Variants in SDCCAG8 observed in about 807,000 individuals in gnomAD.
SDCCAG8 encodes the protein serologically defined colon cancer antigen 8.
A neutral mutation model predicts 101.8 loss-of-function variants in SDCCAG8; 74 were observed. That is an observed-to-expected ratio of 0.73 (90% CI 0.60 to 0.88). The LOEUF (loss-of-function observed/expected upper bound fraction) is 0.88. SDCCAG8 is among the 40% of genes least tolerant of loss of function. The pLI is 0.00. For missense variants in SDCCAG8, 787 were observed against 822.6 expected (o/e 0.96, Z 0.53); for synonymous variants, 281 against 292.9 (o/e 0.96, Z 0.41).
intron 10 of SDCCAG8, among the ~76,000 whole-genome samples, chr1:243,331,492 T>TGGA (rs1376779911): frequency 6.6e-6 from 1 of 152,226 alleles, no homozygotes; most frequent in Admixed American, 6.5e-5. Context: ...CAAAGCAATG[T>TGGA]GGAGGCCTAA....
At chr1:243,496,137 A>T (rs1338670358) in intron 17 of SDCCAG8, among the ~76,000 whole-genome samples, 1 of 152,256 alleles carries the variant, frequency 6.6e-6, no homozygotes, top group Non-Finnish European at 1.5e-5. Context: ...TGAGATAAAT[A>T]ACCATTTTGT....
chr1:243,469,365 G>C (rs1021249251), intron 16 of SDCCAG8, among the ~76,000 whole-genome samples: 2 of 152,070 alleles, frequency 1.3e-5, no homozygotes, highest in Admixed American at 1.3e-4. Flanking sequence ...GTACCACTAA[G>C]CCCTTGGCTA....
intron 1 of SDCCAG8, among the ~76,000 whole-genome samples, chr1:243,269,832 T>C (rs111964494): frequency 0.024 from 3,659 of 152,218 alleles, 149 homozygotes; most frequent in African/African-American, 0.081. Flanking sequence ...AGTTCTGTCA[T>C]TTAATCCTTG....
intron 13 of SDCCAG8, among the ~76,000 whole-genome samples, chr1:243,412,198 T>C (rs2080230594): frequency 6.6e-6 from 1 of 152,186 alleles, no homozygotes; most frequent in Non-Finnish European, 1.5e-5. Context: ...ATGCATTGAT[T>C]TACATTCTTC....
At chr1:243,272,263 G>A (rs56198597) in intron 3 of SDCCAG8, among the ~76,000 whole-genome samples, 8,023 of 152,248 alleles carry the variant, frequency 0.053, 714 homozygotes, top group African/African-American at 0.18. Flanking sequence ...TACAATGCCT[G>A]TATGCTGAAA....
chr1:243,415,422 A>G (rs2080504198), intron 13 of SDCCAG8, among the ~76,000 whole-genome samples: 1 of 152,180 alleles, frequency 6.6e-6, no homozygotes, highest in Non-Finnish European at 1.5e-5. Flanking sequence ...ATTAGAGAAA[A>G]AAGTTTTGTG....
intron 12 of SDCCAG8, among the ~76,000 whole-genome samples, chr1:243,345,102 A>G (rs2075623715): frequency 6.6e-6 from 1 of 152,190 alleles, no homozygotes; most frequent in African/African-American, 2.4e-5. Context: ...CAATATTTTA[A>G]AATAATTGTT....
At chr1:243,393,623 C>T (rs1264768298) in intron 13 of SDCCAG8, among the ~76,000 whole-genome samples, 2 of 152,130 alleles carry the variant, frequency 1.3e-5, no homozygotes, top group Non-Finnish European at 2.9e-5. Flanking sequence ...TCAGTTCCAG[C>T]TACCATGGAA....
At chr1:243,499,170 T>G (rs1668850608) in intron 17 of SDCCAG8, among the ~76,000 whole-genome samples, 1 of 152,244 alleles carries the variant, frequency 6.6e-6, no homozygotes, top group Non-Finnish European at 1.5e-5. Context: ...GAAGCTACTT[T>G]GGAACATTTG....
At position 243,447,243 on chromosome 1, in the gene SDCCAG8, C is replaced by T. The variant is rs368103542; in HGVS notation, c.1985+20685C>T. ...CAGCCTGGGTGACAGAACAAGACTT[C>T]GTCTCAAAAAAAAAAAAAAAAAAAA... On this transcript the variant is annotated intron_variant, in intron 16 of 17. Transcript: ENST00000366541. 4.4e-4 allele frequency among the ~76,000 whole-genome samples: 36 copies of T among 81,340 alleles called. 1 individual carries two copies. Among genetic ancestry groups the T allele is most frequent in the Middle Eastern group, 0.013 (1 of 78 alleles). The allele number at this position is 81,340 out of a possible 152,430, so 53.4% of individuals were successfully genotyped here. A position where few individuals can be genotyped will look rare whatever the true frequency, so the allele number is the denominator to read the frequency against.
chr1:243,293,469 C>T (rs571080787), intron 6 of SDCCAG8: 1 of 615,664 alleles, frequency 1.6e-6, no homozygotes, highest in South Asian at 1.5e-5. Flanking sequence ...CCCTGCCAAC[C>T]CCTGATGACC....
At chr1:243,406,172 T>C (rs2079771737) in intron 13 of SDCCAG8, among the ~76,000 whole-genome samples, 2 of 152,302 alleles carry the variant, frequency 1.3e-5, no homozygotes, top group South Asian at 4.1e-4. Context: ...ATGGAAAATA[T>C]GAATTTTTGA....
chr1:243,461,753 T>A (rs1659152265), intron 16 of SDCCAG8, among the ~76,000 whole-genome samples: 1 of 152,188 alleles, frequency 6.6e-6, no homozygotes, highest in Non-Finnish European at 1.5e-5. Context: ...GGTACATTTT[T>A]AAAACTCAAT....
intron 1 of SDCCAG8, among the ~76,000 whole-genome samples, chr1:243,265,615 C>A (rs1256390774): frequency 6.6e-6 from 1 of 152,142 alleles, no homozygotes; most frequent in Non-Finnish European, 1.5e-5. Flanking sequence ...GAGTTTGAGA[C>A]CAGCCTGGCC....
At position 243,344,252 on chromosome 1, in the gene SDCCAG8, A is replaced by G. The variant is rs1479963664; in HGVS notation, c.1394A>G (p.Asn465Ser). The G allele has an allele frequency of 6.2e-7, 1 of 1,613,920 alleles. No homozygotes were observed. Among genetic ancestry groups the G allele is most frequent in the African/African-American group, 1.3e-5 (1 of 74,926 alleles). Residue 465 changes from asparagine to serine, a missense_variant, in exon 12 of 18, where the codon AAC (asparagine) becomes AGC (serine). Asn to Ser is a conservative substitution (Grantham distance 46). Transcript: ENST00000366541. ...GEMRYQLNKT[N>S]MEKDEAEKEH... is the part of the protein sequence containing the mutation. ...ATGCGCTATCAGCTGAATAAAACCA[A>G]CATGGAGAAGGATGAGGCAGAAAAG...
At chr1:243,480,972 G>A (rs1406575400) in intron 16 of SDCCAG8, among the ~76,000 whole-genome samples, 1 of 151,824 alleles carries the variant, frequency 6.6e-6, no homozygotes, top group Non-Finnish European at 1.5e-5. Context: ...TGAGCTGTGG[G>A]GATGGTGACT....
intron 1 of SDCCAG8, among the ~76,000 whole-genome samples, chr1:243,265,535 G>C (rs115450040): frequency 6.6e-6 from 1 of 152,186 alleles, no homozygotes; most frequent in Admixed American, 6.5e-5. Context: ...GCCCTAGGCC[G>C]GGCATGGTGG....
At chr1:243,308,223 T>A in intron 8 of SDCCAG8, 46 bp downstream of exon 8, 1 of 1,600,116 alleles carries the variant, frequency 6.2e-7, no homozygotes, top group Non-Finnish European at 8.6e-7. Flanking sequence ...ATATGGAAAA[T>A]TCTGCCTTTA....
rs1658218384 is a variant in SDCCAG8, at chr1:243,458,189, G to T, written c.1986-30825G>T. 6.6e-6 allele frequency among the ~76,000 whole-genome samples: 1 copy of T among 152,128 alleles called. No individual in the cohort carries two copies. Among genetic ancestry groups the T allele is most frequent in the Non-Finnish European group, 1.5e-5 (1 of 68,038 alleles). ...CACACACAATCTTAAGGTCTTTGCT[G>T]TAAGAAGCTCAACCATCCTTTAGCC... On this transcript the variant is annotated intron_variant, in intron 16 of 17. Transcript: ENST00000366541. This position sits in a 1 kb window ranked among gnomAD's most constrained non-coding sequence, Gnocchi z 4.5.
Sources: allele counts gnomAD v4.1 joint callset (sites outside exome capture counted in the v4.1 genomes callset), GRCh38; gene constraint gnomAD v4.1.1; non-coding constraint Gnocchi (gnomAD v3.1); transcripts MANE v1.5; gene names NCBI Gene and HGNC (gene_info 2026-07-23, HGNC 2026-07-21).